OPCML: variants seen among roughly 807,000 people sequenced by gnomAD.
The protein encoded by OPCML is opioid-binding protein/cell adhesion molecule.
A neutral mutation model predicts 37.8 loss-of-function variants in OPCML; 13 were observed. The ratio of observed to expected loss-of-function variants is 0.34; its 90% CI spans 0.22 to 0.55. The LOEUF is 0.55. Ranked by LOEUF, OPCML falls within the 20% of genes least tolerant of loss-of-function variation. The pLI is 0.91. For missense variants in OPCML, 341 were observed against 435.6 expected (o/e 0.78, Z 1.93); for synonymous variants, 176 against 168.8 (o/e 1.04, Z -0.33).
At chr11:133,420,319 G>A (rs543034326) in intron 1 of OPCML, 1 of 985,404 alleles carries the variant, frequency 1.0e-6, no homozygotes, top group African/African-American at 1.7e-5. Flanking sequence ...CCTAGCCATG[G>A]AGAAGATCCT....
intron 1 of OPCML, among the ~76,000 whole-genome samples, chr11:133,478,746 G>C (rs1409808815): frequency 1.3e-5 from 2 of 152,100 alleles, no homozygotes; most frequent in East Asian, 1.9e-4. Flanking sequence ...ACTATTGTGA[G>C]GTTTCAATTG....
chr11:133,095,314 G>A lies in OPCML; in HGVS notation c.62-152304C>T, dbSNP rs566843216. ...TTTTTTTTTTTTTTTGCAGCTGCAC[G>A]TGTATTTTTGTTTAGGGTGAATATG... is the stretch of plus-strand genomic sequence containing the variant. On this transcript the variant is annotated intron_variant, in intron 1 of 7. Coordinates refer to ENST00000524381, the MANE Select transcript of OPCML (RefSeq NM_001012393.5). Among the ~76,000 whole-genome samples the A allele has an allele frequency of 1.5e-3, 117 of 75,648 alleles. 1 individual carries two copies. Among genetic ancestry groups the A allele is most frequent in the African/African-American group, 3.4e-3 (56 of 16,528 alleles). 49.6% of individuals were successfully genotyped at this position (75,648 alleles called of 152,430 possible).
chr11:133,510,733 C>T (rs900255889), intron 1 of OPCML, among the ~76,000 whole-genome samples: 4 of 152,170 alleles, frequency 2.6e-5, no homozygotes, highest in African/African-American at 9.7e-5. Context: ...TGGATGAACT[C>T]GTCATGCCTC....
chr11:133,357,746 C>T (rs1000783067), intron 1 of OPCML, among the ~76,000 whole-genome samples: 9 of 152,210 alleles, frequency 5.9e-5, no homozygotes, highest in Non-Finnish European at 8.8e-5. Context: ...GAAGCCTACA[C>T]TTCCCTGTCT....
intron 1 of OPCML, among the ~76,000 whole-genome samples, chr11:133,383,794 C>G (rs78142425): frequency 0.16 from 24,514 of 151,998 alleles, 2,176 homozygotes; most frequent in African/African-American, 0.23. Flanking sequence ...AGAAGGGGAC[C>G]GTCTGTTCCT....
At chr11:133,221,904 A>G (rs1342598303) in intron 1 of OPCML, among the ~76,000 whole-genome samples, 4 of 152,230 alleles carry the variant, frequency 2.6e-5, no homozygotes, top group Non-Finnish European at 5.9e-5. Context: ...ATCAGGAAAA[A>G]TAACTAATGT....
intron 1 of OPCML, among the ~76,000 whole-genome samples, chr11:133,369,008 A>C (rs1334956569): frequency 6.6e-6 from 1 of 152,242 alleles, no homozygotes; most frequent in Non-Finnish European, 1.5e-5. Flanking sequence ...AATACTAAAA[A>C]TCCAAGGCAT....
intron 1 of OPCML, among the ~76,000 whole-genome samples, chr11:133,016,018 T>A (rs1311512072): frequency 6.6e-6 from 1 of 152,226 alleles, no homozygotes; most frequent in Non-Finnish European, 1.5e-5. Flanking sequence ...AATACTTACA[T>A]ATTAATTGGC....
chr11:133,224,899 G>A (rs940287933), intron 1 of OPCML, among the ~76,000 whole-genome samples: 2 of 152,136 alleles, frequency 1.3e-5, no homozygotes, highest in Non-Finnish European at 2.9e-5. Context: ...GCTTGGCCTT[G>A]TTGGCTTTTC....
Position 132,943,468 on chromosome 11 carries a change from G to C in OPCML, c.62-458C>G. 3.3e-6 allele frequency: 1 copy of C among 301,044 alleles called. No homozygotes were observed. Among genetic ancestry groups the C allele is most frequent in the African/African-American group, 2.1e-5 (1 of 47,652 alleles). 18.6% of individuals were successfully genotyped at this position (301,044 alleles called of 1,614,324 possible). ...GCTACTTTAAGATTCAGTTGGGCAC[G>C]TTCTGCAGAGCTCTGGCATCAAAAG... On this transcript the variant is annotated intron_variant, in intron 1 of 7. Transcript: ENST00000524381. This position sits in a 1 kb window ranked among gnomAD's most constrained non-coding sequence, Gnocchi z 4.3.
intron 1 of OPCML, chr11:133,003,592 G>T (rs1480389240): frequency 3.2e-6 from 3 of 938,858 alleles, no homozygotes; most frequent in African/African-American, 1.8e-5. Flanking sequence ...GGAATTAGAA[G>T]TTGGATATTG....
chr11:133,041,753 G>A (rs1489873005), intron 1 of OPCML, among the ~76,000 whole-genome samples: 1 of 152,102 alleles, frequency 6.6e-6, no homozygotes, highest in African/African-American at 2.4e-5. Context: ...GAAAAGGATG[G>A]GAGAATGTAC....
intron 1 of OPCML, among the ~76,000 whole-genome samples, chr11:133,197,736 T>C (rs1335176106): frequency 6.6e-6 from 1 of 152,222 alleles, no homozygotes; most frequent in Non-Finnish European, 1.5e-5. Flanking sequence ...ATCCAGCAAG[T>C]CTGAGTCACC....
chr11:132,691,559 G>A (rs1943404263), intron 2 of OPCML, among the ~76,000 whole-genome samples: 1 of 152,210 alleles, frequency 6.6e-6, no homozygotes, highest in Admixed American at 6.5e-5. Context: ...GATGTTGAGT[G>A]TCAGCTACAT....
chr11:132,764,034 G>A (rs1480292417), intron 2 of OPCML, among the ~76,000 whole-genome samples: 2 of 152,202 alleles, frequency 1.3e-5, no homozygotes, highest in African/African-American at 4.8e-5. Flanking sequence ...GTCACCTTAT[G>A]GAAATTTAAG....
chr11:133,063,536 A>G (rs1348435002), intron 1 of OPCML, among the ~76,000 whole-genome samples: 5 of 150,726 alleles, frequency 3.3e-5, no homozygotes, highest in Admixed American at 3.3e-4. Flanking sequence ...ATTCAGTCTC[A>G]TGGTCAGAAA....
intron 1 of OPCML, among the ~76,000 whole-genome samples, chr11:133,179,198 A>C (rs895715273): frequency 6.6e-6 from 1 of 152,204 alleles, no homozygotes; most frequent in African/African-American, 2.4e-5. Context: ...AAAGATACAA[A>C]TGTGAGGTTA....
intron 2 of OPCML, among the ~76,000 whole-genome samples, chr11:132,714,728 G>A (rs1333177848): frequency 5.3e-5 from 8 of 152,058 alleles, no homozygotes; most frequent in African/African-American, 1.2e-4. Flanking sequence ...GCACCCCTGC[G>A]GCCTGAAATA....
intron 2 of OPCML, among the ~76,000 whole-genome samples, chr11:132,725,324 G>T (rs1944837679): frequency 6.6e-6 from 1 of 152,162 alleles, no homozygotes; most frequent in Non-Finnish European, 1.5e-5. Flanking sequence ...ACTCTACATT[G>T]GCCCCTTTTA....
Sources: gnomAD v4.1 joint callset for allele counts (sites outside exome capture counted in the v4.1 genomes callset) on GRCh38, gnomAD v4.1.1 for gene constraint, Gnocchi (gnomAD v3.1) non-coding constraint, MANE v1.5 for transcripts, NCBI Gene and HGNC (gene_info 2026-07-23, HGNC 2026-07-21) for gene names.